Variants in SLC5A2 observed in about 807,000 individuals in gnomAD.
The protein encoded by SLC5A2 is sodium/glucose cotransporter 2.
Under a neutral mutation model 69.0 loss-of-function variants are expected in SLC5A2, and 67 were observed. The ratio of observed to expected loss-of-function variants is 0.97; its 90% confidence interval spans 0.80 to 1.19. The LOEUF is 1.19. Among genes scored for constraint, SLC5A2 ranks in the 50% most tolerant of loss-of-function variants. SLC5A2 has a pLI of 0.00. For synonymous variants in SLC5A2, 455 were observed against 395.8 expected (o/e 1.15, Z -1.78); for missense variants, 1,001 against 921.5 (o/e 1.09, Z -1.12).
intron 13 of SLC5A2, 22 bp from the exon 14 acceptor site, chr16:31,490,287 G>A (rs776022013): frequency 2.4e-5 from 38 of 1,613,394 alleles, no homozygotes; most frequent in South Asian, 5.5e-5. Flanking sequence ...CAAACTAACT[G>A]CAGGGCCTCA....
At position 31,488,061 on chromosome 16, in the gene SLC5A2, C is replaced by G. The variant is rs1174612223; in HGVS notation, c.909C>G (p.Ala303=). Residue 303 remains alanine, a synonymous_variant, in exon 8 of 14, where the codon GCC becomes GCG. Coordinates refer to ENST00000330498, the MANE Select transcript of SLC5A2 (RefSeq NM_003041.4). ...SDQVIVQRCL[A]GKSLTHIKAG... ...AGGTCATCGTGCAGCGCTGCCTGGC[C>G]GGGAAGAGCCTGACCCACATCAAGG... 3 of 1,613,872 alleles carry G rather than the reference C, an allele frequency of 1.9e-6. No homozygotes were observed. The highest frequency in any genetic ancestry group is 1.3e-5 in the African/African-American group (1 of 75,052).
Position 31,490,147 on chromosome 16 carries a change from G to C in SLC5A2, c.1709G>C (p.Arg570Pro). 6.2e-7 allele frequency: 1 copy of C among 1,614,130 alleles called. No homozygotes were observed. The highest frequency in any genetic ancestry group is 1.1e-5 in the South Asian group (1 of 91,070). ...AGTCTCCGGCATAGCAAGGAGGAACGGGAGGACCTGGATGCTGATGAGCAG... is the reference window on the plus strand; with the variant it reads ...AGTCTCCGGCATAGCAAGGAGGAACCGGAGGACCTGGATGCTGATGAGCAG... The part of the protein sequence containing the change: ...VFSLRHSKEE[R>P]EDLDADEQQG... Residue 570 changes from arginine to proline, a missense_variant, in exon 13 of 14, where the codon CGG (arginine) becomes CCG (proline). By Grantham distance (103) the Arg-to-Pro change is moderately radical. Transcript: ENST00000330498.
chr16:31,489,241 G>C lies in SLC5A2; in HGVS notation c.1568G>C (p.Gly523Ala). The C allele has an allele frequency of 3.1e-6, 5 of 1,610,540 alleles. No homozygotes were observed. The highest frequency in any genetic ancestry group is 1.1e-5 in the South Asian group (1 of 91,092). The stretch of plus-strand genomic sequence containing the variant: ...TCGGCGTGCCCAGCTTTCCTCTGCG[G>C]CGTGCACTACCTCTACTTCGCCATT... ...QPSACPAFLCGVHYLYFAIVL... is the reference protein window; with the variant it reads ...QPSACPAFLCAVHYLYFAIVL... The change falls in exon 12 of 14, where the codon GGC (glycine) becomes GCC (alanine). Residue 523 changes from glycine to alanine, a missense_variant. Coordinates refer to ENST00000330498, the MANE Select transcript of SLC5A2 (RefSeq NM_003041.4).
At position 31,490,638 on chromosome 16, in the gene SLC5A2, G is replaced by A. The variant is rs544637169; in HGVS notation, c.*103G>A. 54 of 1,158,494 alleles carry A rather than the reference G, an allele frequency of 4.7e-5. No homozygotes were observed. The South Asian group carries it at 6.2e-4, about 13-fold the overall frequency. 71.8% of individuals were successfully genotyped at this position (1,158,494 alleles called of 1,614,324 possible). A position where few individuals can be genotyped will look rare whatever the true frequency, so the allele number is the denominator to read the frequency against. On this transcript the variant is annotated 3_prime_UTR_variant, in exon 14 of 14. Transcript: ENST00000330498. ...GGGGAAGGGGCAGTGGGGTGAGAAG[G>A]TCCTGGCTCCCCTTCTCCCGGCCTT...
chr16:31,487,404 G>A lies in SLC5A2; in HGVS notation c.655+4G>A. 1 of 1,613,642 alleles carries A rather than the reference G, an allele frequency of 6.2e-7. No homozygotes were observed. The highest frequency in any genetic ancestry group is 8.5e-7 in the Non-Finnish European group (1 of 1,179,980). The stretch of plus-strand genomic sequence containing the variant: ...GCCTGCATCCTCATGGGTTACGGTA[G>A]GGGCTCGCCTACCAGGGAGGGGCGC... On this transcript the variant is annotated splice_donor_region_variant and intron_variant, in intron 6 of 13. Transcript: ENST00000330498.
At chr16:31,487,853 GGC>G in intron 7 of SLC5A2, 94 bp downstream of exon 7, 1 of 1,438,094 alleles carries the variant, frequency 7.0e-7, no homozygotes, top group Non-Finnish European at 9.4e-7. Context: ...AACGGTCTAA[GGC>G]GCAGTCTGAG....
rs760556743 is a variant in SLC5A2 at position 31,490,449 on chromosome 16, G to C, written c.1933G>C (p.Glu645Gln). 1 of 1,613,966 alleles carries C rather than the reference G, an allele frequency of 6.2e-7. No homozygotes were observed. The highest frequency in any genetic ancestry group is 8.5e-7 in the Non-Finnish European group (1 of 1,179,994). The change falls in exon 14 of 14, where the codon GAG (glutamate) becomes CAG (glutamine). Residue 645 changes from glutamate (E) to glutamine (Q), a missense_variant. Transcript: ENST00000330498. ...AAARRLEDISEDPSWARVVNL... is the reference protein window; with the variant it reads ...AAARRLEDISQDPSWARVVNL... ...AGCCAGGCGGCTGGAGGACATCAGC[G>C]AGGACCCGAGCTGGGCCCGTGTGGT... is the stretch of plus-strand genomic sequence containing the variant.
In SLC5A2 at chr16:31,484,906, G is replaced by T; in HGVS notation, c.286G>T (p.Ala96Ser). 1.9e-6 allele frequency: 3 copies of T among 1,614,104 alleles called. No homozygotes were observed. The highest frequency in any genetic ancestry group is 2.5e-6 in the Non-Finnish European group (3 of 1,180,000). The stretch of plus-strand genomic sequence containing the variant: ...TGGCGCTGCAAGTGGCTTGGCTGTT[G>T]CTGGATTCGAGTGGAATGTGAGGCC... ...GTGAASGLAV[A>S]GFEWNALFVV... Residue 96 changes from alanine (A) to serine (S), a missense_variant, in exon 3 of 14, where the codon GCT becomes TCT. Transcript: ENST00000330498.
At position 31,490,590 on chromosome 16, in the gene SLC5A2, A is replaced by G; in HGVS notation, c.*55A>G. 6.9e-7 allele frequency: 1 copy of G among 1,441,246 alleles called. No homozygotes were observed. 89.3% of individuals were successfully genotyped at this position (1,441,246 alleles called of 1,614,324 possible). On this transcript the variant is annotated 3_prime_UTR_variant, in exon 14 of 14. Coordinates refer to ENST00000330498, the MANE Select transcript of SLC5A2 (RefSeq NM_003041.4). ...AGCCTCACAGGAAGTGGGGGTGAGG[A>G]GCCTGCGGTGCTCCCCAGAAAAGGG...
intron 1 of SLC5A2, among the ~76,000 whole-genome samples, chr16:31,484,431 GA>G (rs372464757): frequency 0.021 from 2,188 of 106,562 alleles, 53 homozygotes; most frequent in African/African-American, 0.063. Flanking sequence ...CAAAAAATGA[GA>G]AAAAAAAAAA....
rs1036733905 is a variant in SLC5A2 at position 31,490,547 on chromosome 16, T to G, written c.*12T>G. On this transcript the variant is annotated 3_prime_UTR_variant, in exon 14 of 14. Coordinates refer to ENST00000330498, the MANE Select transcript of SLC5A2 (RefSeq NM_003041.4). ...GCTTCTATGCCTAAGACCAACTGCGTTGGACACCATAAGCCACAGCCTCAC... is the reference window on the plus strand; with the variant it reads ...GCTTCTATGCCTAAGACCAACTGCGGTGGACACCATAAGCCACAGCCTCAC... 2 of 1,593,904 alleles carry G rather than the reference T, an allele frequency of 1.3e-6. No individual in the cohort carries two copies. The highest frequency in any genetic ancestry group is 2.2e-5 in the South Asian group (2 of 89,254).
intron 1 of SLC5A2, among the ~76,000 whole-genome samples, chr16:31,484,339 T>C (rs889359439): frequency 6.6e-6 from 1 of 151,026 alleles, no homozygotes; most frequent in African/African-American, 2.4e-5. Context: ...GAGAATTGCT[T>C]GAACCTGGGA....
At position 31,489,273 on chromosome 16, in the gene SLC5A2, T is replaced by C. The variant is rs768799267; in HGVS notation, c.1600T>C (p.Phe534Leu). The C allele has an allele frequency of 1.2e-6, 2 of 1,610,992 alleles. No individual in the cohort carries two copies. The highest frequency in any genetic ancestry group is 1.7e-6 in the Non-Finnish European group (2 of 1,180,016). ...VHYLYFAIVL[F>L]FCSGLLTLTV... ...CTACCTCTACTTCGCCATTGTGCTG[T>C]TCTTCTGCTCTGGCCTCCTCACCCT... Residue 534 changes from phenylalanine (F) to leucine (L), a missense_variant, in exon 12 of 14, where the codon TTC (phenylalanine) becomes CTC (leucine). Physicochemically the swap from Phe to Leu is conservative, Grantham distance 22 (BLOSUM62 0). Coordinates refer to ENST00000330498, the MANE Select transcript of SLC5A2 (RefSeq NM_003041.4).
chr16:31,485,281 C>T (rs2082486468), intron 3 of SLC5A2: 1 of 462,588 alleles, frequency 2.2e-6, no homozygotes, highest in African/African-American at 2.0e-5. Flanking sequence ...CAAGTTAAAG[C>T]CCTTTGCAGA....
chr16:31,486,374 T>C, intron 5 of SLC5A2, 99 bp downstream of exon 5: 1 of 851,526 alleles, frequency 1.2e-6, no homozygotes, highest in South Asian at 1.4e-5. Context: ...GCTGGAGAGG[T>C]CTGGAAGGGT....
intron 3 of SLC5A2, 59 bp downstream of exon 3, chr16:31,484,982 A>G: frequency 6.9e-7 from 1 of 1,452,362 alleles, no homozygotes; most frequent in South Asian, 1.2e-5. Context: ...GAAGGGTCAC[A>G]CCTTGGGGAA....
Position 31,490,320 on chromosome 16 carries a change from C to A in SLC5A2, c.1804C>A (p.Pro602Thr), listed in dbSNP as rs905122501. Reference protein sequence around the residue: ...SAMEMNEPQAPAPSLFRQCLL... With the variant: ...SAMEMNEPQATAPSLFRQCLL... ...TCAATTTCCCTCAGAGCCCCAGGCCCCGGCACCAAGCCTCTTCCGCCAGTG... is the reference window on the plus strand; with the variant it reads ...TCAATTTCCCTCAGAGCCCCAGGCCACGGCACCAAGCCTCTTCCGCCAGTG... Residue 602 changes from proline (P) to threonine (T), a missense_variant, in exon 14 of 14, where the codon CCG becomes ACG. Transcript: ENST00000330498. The A allele has an allele frequency of 6.2e-7, 1 of 1,612,344 alleles. No homozygotes were observed. Among genetic ancestry groups the A allele is most frequent in the African/African-American group, 1.3e-5 (1 of 75,024 alleles).
At chr16:31,487,801 G>A in intron 7 of SLC5A2, 42 bp downstream of exon 7, 2 of 1,551,492 alleles carry the variant, frequency 1.3e-6, no homozygotes, top group Non-Finnish European at 8.7e-7. Flanking sequence ...CCGGGGCGGA[G>A]CCGAGACGGG....
At position 31,488,000 on chromosome 16, in the gene SLC5A2, G is replaced by GT. The variant is rs34976954; in HGVS notation, c.886-38_886-37insT. 4.4e-6 allele frequency: 7 copies of GT among 1,607,972 alleles called. No individual in the cohort carries two copies. In the African/African-American group the frequency reaches 8.0e-5, roughly 18 times the overall value. On this transcript the variant is annotated intron_variant, in intron 7 of 13. Transcript: ENST00000330498. ...ACGGGGCGCGGGGCGGGGCCGAGGG[G>GT]AGGCCCGCAAGCGGGCAGCTGAACG...
Sources: allele counts gnomAD v4.1 joint callset (sites outside exome capture counted in the v4.1 genomes callset), GRCh38; gene constraint gnomAD v4.1.1; transcripts MANE v1.5; gene names NCBI Gene and HGNC (gene_info 2026-07-23, HGNC 2026-07-21).